Variants in IFT122 observed in about 807,000 individuals in gnomAD.
IFT122 encodes intraflagellar transport 122, also known as intraflagellar transport protein 122 homolog.
IFT122 carries 118 observed loss-of-function variants against 161.6 expected under a neutral mutation model. That is an observed-to-expected ratio of 0.73 (90% CI 0.63 to 0.85). IFT122 has a LOEUF of 0.85. Ranked by LOEUF, IFT122 falls within the 40% of genes least tolerant of loss-of-function variation. The pLI, the probability that IFT122 is intolerant of heterozygous loss-of-function variation, is 0.00. For missense variants in IFT122, 1,381 were observed against 1,579.6 expected (o/e 0.87, Z 2.13); for synonymous variants, 550 against 602.4 (o/e 0.91, Z 1.27).
intron 9 of IFT122, among the ~76,000 whole-genome samples, chr3:129,474,803 G>A (rs1179453402): frequency 6.6e-6 from 1 of 152,166 alleles, no homozygotes; most frequent in Non-Finnish European, 1.5e-5. Flanking sequence ...CACAGAATGA[G>A]AGAAGTTTTA....
At chr3:129,508,088 A>T (rs1026588292) in intron 23 of IFT122, among the ~76,000 whole-genome samples, 5 of 152,198 alleles carry the variant, frequency 3.3e-5, no homozygotes, top group African/African-American at 1.2e-4. Flanking sequence ...CTCCTTCAGT[A>T]GGGCGAAGGC....
chr3:129,458,806 T>G (rs1306641519), intron 4 of IFT122, 129 bp downstream of exon 4: 4 of 743,576 alleles, frequency 5.4e-6, no homozygotes, highest in Non-Finnish European at 9.6e-6. Flanking sequence ...GTTGTGGGTG[T>G]GTGTGGTTGG....
chr3:129,472,114 A>G (rs1484545202), intron 9 of IFT122, among the ~76,000 whole-genome samples: 1 of 152,166 alleles, frequency 6.6e-6, no homozygotes, highest in Non-Finnish European at 1.5e-5. Context: ...TAGTCTTGCA[A>G]TGACCATTCA....
intron 24 of IFT122, chr3:129,512,827 A>G (rs1310012598): frequency 4.0e-6 from 1 of 251,926 alleles, no homozygotes; most frequent in Non-Finnish European, 7.8e-6. Context: ...GCCCTGGGCC[A>G]GGCACCAGGT....
Position 129,481,680 on chromosome 3 carries a change from G to T in IFT122, c.1639G>T (p.Glu547Ter), listed in dbSNP as rs749016460. 1.9e-6 allele frequency: 3 copies of T among 1,614,112 alleles called. No individual in the cohort carries two copies. Among genetic ancestry groups the T allele is most frequent in the South Asian group, 1.1e-5 (1 of 91,048 alleles). The stretch of plus-strand genomic sequence containing the variant: ...CCTGGTGTATGACATCGACACCAAG[G>T]AGCTGCTTTTTCAGGTGAAGTCCCT... ...TCLVYDIDTK[E>*]LLFQEPNANS... Residue 547 changes from glutamate to a stop codon, truncating the protein, a stop_gained, in exon 14 of 30, where the codon GAG becomes TAG. Transcript: ENST00000348417. LOFTEE classifies it high-confidence loss of function.
intron 2 of IFT122, 81 bp downstream of exon 2, chr3:129,450,018 T>G (rs2074567662): frequency 2.1e-6 from 2 of 953,658 alleles, no homozygotes; most frequent in East Asian, 4.8e-5. Flanking sequence ...ACCCTTTTTT[T>G]TTTTTTTTGA....
intron 1 of IFT122, 73 bp downstream of exon 1, chr3:129,440,444 G>T (rs1410915679): frequency 1.3e-6 from 2 of 1,515,714 alleles, no homozygotes; most frequent in Non-Finnish European, 1.8e-6. Flanking sequence ...GCTGCAGCGT[G>T]TTTGAGGGGG....
chr3:129,473,720 C>T (rs1158270357), intron 9 of IFT122, among the ~76,000 whole-genome samples: 4 of 152,228 alleles, frequency 2.6e-5, no homozygotes, highest in Non-Finnish European at 5.9e-5. Flanking sequence ...TCCCACTTCA[C>T]TTTCCGGGTG....
rs2076361083 is a variant in IFT122, at chr3:129,463,166, A to G, written c.350-394A>G. On this transcript the variant is annotated intron_variant, in intron 5 of 29. Transcript: ENST00000348417. ...TGGATCCATCTTATGTAACTATTAT[A>G]CAATATCAAGACCAGGAAACTGAGA... The G allele has an allele frequency of 4.6e-5, 10 of 217,406 alleles. No individual in the cohort carries two copies. The South Asian group carries it at 7.2e-4, about 16-fold the overall frequency. The allele number at this position is 217,406 out of a possible 1,614,324, so 13.5% of individuals were successfully genotyped here. A position where few individuals can be genotyped will look rare whatever the true frequency, so the allele number is the denominator to read the frequency against.
chr3:129,492,097 A>G (rs761828582), intron 16 of IFT122, 44 bp from the exon 17 acceptor site: 46 of 1,504,882 alleles, frequency 3.1e-5, no homozygotes, highest in Non-Finnish European at 4.2e-5. Context: ...CCACTTTTGA[A>G]GCCAAGAAGA....
intron 23 of IFT122, among the ~76,000 whole-genome samples, chr3:129,511,069 G>A (rs2082764869): frequency 6.6e-6 from 1 of 152,140 alleles, no homozygotes; most frequent in South Asian, 2.1e-4. Context: ...GAGGTGAGTG[G>A]TAGTTTGTGG....
At chr3:129,516,787 G>T (rs1386701230) in intron 26 of IFT122, among the ~76,000 whole-genome samples, 1 of 90,044 alleles carries the variant, frequency 1.1e-5, no homozygotes, top group African/African-American at 4.6e-5. Flanking sequence ...CACAGAGACC[G>T]CTCCTGCACA....
At chr3:129,494,620 C>T (rs1016508254) in intron 17 of IFT122, among the ~76,000 whole-genome samples, 1 of 152,118 alleles carries the variant, frequency 6.6e-6, no homozygotes, top group African/African-American at 2.4e-5. Context: ...TTTACAAATA[C>T]TCGAGCTGTA....
intron 7 of IFT122, 73 bp downstream of exon 7, chr3:129,464,854 C>G: frequency 6.6e-7 from 1 of 1,524,190 alleles, no homozygotes; most frequent in Non-Finnish European, 9.1e-7. Context: ...CCTGAGGTCT[C>G]CCTACATTCA....
Position 129,506,581 on chromosome 3 carries a change from C to T in IFT122, c.2791+32C>T, listed in dbSNP as rs777246844. The T allele has an allele frequency of 5.6e-6, 9 of 1,614,010 alleles. No homozygotes were observed. In the Admixed American group the frequency reaches 1.3e-4, roughly 24 times the overall value. ...AAACATCAGCCAGACCACTGTTTTC[C>T]CAAGCCCCACTCTGACACCAAGATA... On this transcript the variant is annotated intron_variant, in intron 22 of 29. Coordinates refer to ENST00000348417, the MANE Select transcript of IFT122 (RefSeq NM_052989.3).
At position 129,507,595 on chromosome 3, in the gene IFT122, C is replaced by T. The variant is rs192403775; in HGVS notation, c.2792-73C>T. 6 of 1,172,592 alleles carry T rather than the reference C, an allele frequency of 5.1e-6. No individual in the cohort carries two copies. In the East Asian group the frequency reaches 9.4e-5, roughly 18 times the overall value. The allele number at this position is 1,172,592 out of a possible 1,614,324, so 72.6% of individuals were successfully genotyped here. On this transcript the variant is annotated intron_variant, in intron 22 of 29. Transcript: ENST00000348417. ...TGGGAAAAGTACTGTTGCCTGGCCC[C>T]TCCTCCTGGGGCCAGTTGGCAGCCA...
At chr3:129,507,449 CCCTGTCCA>C (rs2082302669) in intron 22 of IFT122, among the ~76,000 whole-genome samples, 1 of 152,196 alleles carries the variant, frequency 6.6e-6, no homozygotes, top group Non-Finnish European at 1.5e-5. Context: ...TGGCCTTATG[CCCTGTCCA>C]CCTAAGAATT....
At chr3:129,447,901 GA>G (rs2074229238) in intron 1 of IFT122, among the ~76,000 whole-genome samples, 1 of 152,242 alleles carries the variant, frequency 6.6e-6, no homozygotes, top group Non-Finnish European at 1.5e-5. Flanking sequence ...GTCATGGCCT[GA>G]AACAGTCTCT....
intron 1 of IFT122, among the ~76,000 whole-genome samples, chr3:129,443,533 G>A (rs61229044): frequency 0.091 from 13,807 of 152,254 alleles, 696 homozygotes; most frequent in South Asian, 0.13. Context: ...GCATGACAAG[G>A]TCTAGAGTCC....
Sources: gnomAD v4.1 joint callset for allele counts (sites outside exome capture counted in the v4.1 genomes callset) on GRCh38, gnomAD v4.1.1 for gene constraint, MANE v1.5 for transcripts, NCBI Gene and HGNC (gene_info 2026-07-23, HGNC 2026-07-21) for gene names.